Variants in CFAP99 observed in about 807,000 individuals in gnomAD.
The protein encoded by CFAP99 is cilia and flagella associated protein 99, also known as cilia- and flagella-associated protein 99.
Under a neutral mutation model 82.7 loss-of-function variants are expected in CFAP99, and 84 were observed. The ratio of observed to expected loss-of-function variants is 1.02; its 90% confidence interval spans 0.85 to 1.22. The LOEUF (loss-of-function observed/expected upper bound fraction) is 1.22. Among genes scored for constraint, CFAP99 ranks in the 50% most tolerant of loss-of-function variants. CFAP99 has a pLI of 0.00. For missense variants in CFAP99, 1,059 were observed against 983.5 expected (o/e 1.08, Z -1.03); for synonymous variants, 456 against 429.5 (o/e 1.06, Z -0.76).
chr4:2,437,922 G>C (rs958771870), intron 3 of CFAP99, 148 bp from the exon 4 acceptor site: 5 of 563,950 alleles, frequency 8.9e-6, no homozygotes, highest in Non-Finnish European at 1.3e-5. Flanking sequence ...GTTTGTGTTC[G>C]CTTATCATTT....
intron 9 of CFAP99, 106 bp downstream of exon 9, chr4:2,451,124 T>A (rs1336244667): frequency 9.6e-6 from 14 of 1,452,086 alleles, no homozygotes; most frequent in Non-Finnish European, 1.3e-5. Flanking sequence ...GGACCTAGAG[T>A]CCCAAGGACG....
At chr4:2,438,380 A>T (rs1235189979) in intron 4 of CFAP99, among the ~76,000 whole-genome samples, 1 of 152,100 alleles carries the variant, frequency 6.6e-6, no homozygotes, top group Non-Finnish European at 1.5e-5. Flanking sequence ...CTCCTGCCTC[A>T]GCCTCCCGAG....
chr4:2,443,120 T>C lies in CFAP99; in HGVS notation c.352-10T>C, dbSNP rs1432713202. On this transcript the variant is annotated splice_polypyrimidine_tract_variant and intron_variant, in intron 4 of 14. Transcript: ENST00000635017. ...GGCTCCGGCCCCCTGACAGCCCCCGTCCACCCCAGTTCCTCAGGTTCTTCT... is the reference window on the plus strand; with the variant it reads ...GGCTCCGGCCCCCTGACAGCCCCCGCCCACCCCAGTTCCTCAGGTTCTTCT... The C allele has an allele frequency of 2.7e-6, 4 of 1,480,866 alleles. No homozygotes were observed. Among genetic ancestry groups the C allele is most frequent in the Non-Finnish European group, 3.6e-6 (4 of 1,098,270 alleles). 91.7% of individuals were successfully genotyped at this position (1,480,866 alleles called of 1,614,324 possible).
In CFAP99 at chr4:2,445,167, G is replaced by A. The variant is rs748321914; in HGVS notation, c.501G>A (p.Leu167=). The change falls in exon 6 of 15, where the codon CTG becomes CTA. Residue 167 remains leucine, a synonymous_variant. Transcript: ENST00000635017. ...AGGTCCAGGAGCTGATCAACCACCT[G>A]GAGGGCGTGTCTGCCAGTCAATCCT... is the stretch of plus-strand genomic sequence containing the variant. 7.1e-6 allele frequency: 10 copies of A among 1,412,188 alleles called. No homozygotes were observed. In the East Asian group the frequency reaches 2.0e-4, roughly 28 times the overall value. The allele number at this position is 1,412,188 out of a possible 1,614,324, so 87.5% of individuals were successfully genotyped here.
At position 2,446,016 on chromosome 4, in the gene CFAP99, G is replaced by A. The variant is rs950583945; in HGVS notation, c.642+708G>A. The stretch of plus-strand genomic sequence containing the variant: ...TGACTGGTTACGGGTTCTATCCCAA[G>A]CACCAGCAATGGACTGAGCTTCCCA... On this transcript the variant is annotated intron_variant, in intron 6 of 14. Transcript: ENST00000635017. This position sits in a 1 kb window ranked among gnomAD's most constrained non-coding sequence, Gnocchi z 5.0. 1.3e-5 allele frequency among the ~76,000 whole-genome samples: 2 copies of A among 152,192 alleles called. No homozygotes were observed. The highest frequency in any genetic ancestry group is 4.8e-5 in the African/African-American group (2 of 41,446).
At chr4:2,443,752 CTGCTGCCCTCA>C (rs1734103669) in intron 5 of CFAP99, among the ~76,000 whole-genome samples, 2 of 152,160 alleles carry the variant, frequency 1.3e-5, no homozygotes, top group African/African-American at 4.8e-5. Context: ...GTCCCCAAGC[CTGCTGCCCTCA>C]TGCTGCCCTT....
intron 11 of CFAP99, among the ~76,000 whole-genome samples, chr4:2,455,249 C>A (rs1734402777): frequency 6.6e-6 from 1 of 152,218 alleles, no homozygotes; most frequent in South Asian, 2.1e-4. Flanking sequence ...TAGATTGTTG[C>A]AGATTGCTTT....
Position 2,456,809 on chromosome 4 carries a change from G to A in CFAP99, c.1162-1914G>A, listed in dbSNP as rs562269001. ...GCTGGGATTACAGGCATGAGCCACC[G>A]CGCCCGGCCAATAACTTGTTTTTTA... is the stretch of plus-strand genomic sequence containing the variant. On this transcript the variant is annotated intron_variant, in intron 11 of 14. Coordinates refer to ENST00000635017, the Ensembl canonical transcript of CFAP99. Among the ~76,000 whole-genome samples the A allele has an allele frequency of 1.6e-4, 24 of 152,188 alleles. 2 individuals carry two copies. The South Asian group carries it at 3.9e-3, about 25-fold the overall frequency.
intron 10 of CFAP99, 46 bp from the exon 11 acceptor site, chr4:2,452,094 CTG>C: frequency 6.6e-7 from 1 of 1,525,140 alleles, no homozygotes; most frequent in Non-Finnish European, 8.8e-7. Flanking sequence ...CCAGCAGCCT[CTG>C]TCACGGGAGA....
chr4:2,433,795 G>A (rs1339567456), intron 2 of CFAP99, among the ~76,000 whole-genome samples: 4 of 152,226 alleles, frequency 2.6e-5, no homozygotes, highest in African/African-American at 4.8e-5. Context: ...CGAGTATGCC[G>A]GGAGGAGTTC....
At chr4:2,452,113 A>C (rs1332470970) in intron 10 of CFAP99, 29 bp from the exon 11 acceptor site, 3 of 1,533,648 alleles carry the variant, frequency 2.0e-6, no homozygotes, top group African/African-American at 1.4e-5. Flanking sequence ...GAGAAACCCC[A>C]AGCTGTGCTT....
chr4:2,433,729 G>A (rs1733848852), intron 2 of CFAP99, among the ~76,000 whole-genome samples: 1 of 152,210 alleles, frequency 6.6e-6, no homozygotes, highest in Admixed American at 6.5e-5. Flanking sequence ...GCCGCGACTG[G>A]GACAGGCCAT....
intron 4 of CFAP99, among the ~76,000 whole-genome samples, chr4:2,442,503 C>A (rs895191592): frequency 6.6e-6 from 1 of 152,042 alleles, no homozygotes; most frequent in African/African-American, 2.4e-5. Context: ...CCTGCCTGGC[C>A]GGCACACAGA....
rs145357095 is a variant in CFAP99 at position 2,448,020 on chromosome 4, A to AATGG, written c.643-1630_643-1627dup. 2.6e-3 allele frequency among the ~76,000 whole-genome samples: 366 copies of AATGG among 141,900 alleles called. 2 individuals are homozygous for AATGG. Among genetic ancestry groups the AATGG allele is most frequent in the Admixed American group, 7.5e-3 (108 of 14,452 alleles). The allele number at this position is 141,900 out of a possible 152,430, so 93.1% of individuals were successfully genotyped here. A position where few individuals can be genotyped will look rare whatever the true frequency, so the allele number is the denominator to read the frequency against. ...AAGTAGATGGATGGATAAGTGGATG[A>AATGG]ATGGATGGATGGATGGATGGATGAT... On this transcript the variant is annotated intron_variant, in intron 6 of 14. Transcript: ENST00000635017. The surrounding 1 kb of genome is among the most constrained non-coding windows in gnomAD (Gnocchi z 5.2).
intron 4 of CFAP99, among the ~76,000 whole-genome samples, chr4:2,440,149 C>CTTTTTTTTT (rs1253819268): frequency 9.6e-6 from 1 of 104,034 alleles, no homozygotes; most frequent in Non-Finnish European, 1.8e-5. Context: ...GCTTGACATT[C>CTTTTTTTTT]TTTTTTTTTT....
At chr4:2,447,366 A>C (rs1269724195) in intron 6 of CFAP99, among the ~76,000 whole-genome samples, 1 of 150,910 alleles carries the variant, frequency 6.6e-6, no homozygotes, top group African/African-American at 2.5e-5. Context: ...GGATGGATGG[A>C]TGATTGGATG....
At chr4:2,449,675 C>T (rs1375039123) in exon 7 of CFAP99, 2 of 1,536,144 alleles carry the variant, frequency 1.3e-6, no homozygotes, top group Non-Finnish European at 1.7e-6. Context: ...AGCAGGTCCC[C>T]CAGAGCACCT....
At chr4:2,453,539 G>A (rs752535213) in intron 11 of CFAP99, among the ~76,000 whole-genome samples, 1 of 152,184 alleles carries the variant, frequency 6.6e-6, no homozygotes, top group Non-Finnish European at 1.5e-5. Flanking sequence ...AGTGTACCAG[G>A]CTGAATTCGT....
intron 3 of CFAP99, among the ~76,000 whole-genome samples, chr4:2,437,785 GACAA>G (rs1346062556): frequency 6.6e-6 from 1 of 152,218 alleles, no homozygotes; most frequent in Non-Finnish European, 1.5e-5. Flanking sequence ...CTCAGAAATT[GACAA>G]ACAAGTCCAA....
Sources: gnomAD v4.1 joint callset for allele counts (sites outside exome capture counted in the v4.1 genomes callset) on GRCh38, gnomAD v4.1.1 for gene constraint, Gnocchi (gnomAD v3.1) non-coding constraint, MANE v1.5 for transcripts, NCBI Gene and HGNC (gene_info 2026-07-23, HGNC 2026-07-21) for gene names.